The following PLXNA4 variants were observed in gnomAD, a reference collection of about 807,000 sequenced individuals.
PLXNA4 encodes plexin-A4.
In PLXNA4, 44 loss-of-function variants were observed where a neutral mutation model predicts 191.8. That is an observed-to-expected ratio of 0.23 (90% confidence interval 0.18 to 0.29). PLXNA4 has a LOEUF of 0.29. Among genes scored for constraint, PLXNA4 ranks in the 10% least tolerant of loss-of-function variants. The pLI, the probability that PLXNA4 is intolerant of heterozygous loss-of-function variation, is 1.00. For synonymous variants in PLXNA4, 1,082 were observed against 1,009.5 expected (o/e 1.07, Z -1.36); for missense variants, 1,800 against 2,488.8 (o/e 0.72, Z 5.89).
chr7:132,195,883 A>G (rs917942685), intron 13 of PLXNA4, among the ~76,000 whole-genome samples: 1 of 152,238 alleles, frequency 6.6e-6, no homozygotes, highest in Non-Finnish European at 1.5e-5. Context: ...GTTTAAAAGT[A>G]TCTGTGTGTT....
intron 21 of PLXNA4, among the ~76,000 whole-genome samples, chr7:132,174,461 G>C (rs1796390289): frequency 6.6e-6 from 1 of 152,196 alleles, no homozygotes; most frequent in Non-Finnish European, 1.5e-5. Context: ...GTTCCCCAAT[G>C]TATTTGCCGT....
rs1012467016 is a variant in PLXNA4 at position 132,626,134 on chromosome 7, C to A, written c.-87+19794G>T. On this transcript the variant is annotated intron_variant, in intron 2 of 4. Transcript: ENST00000378539. Reference sequence around the variant, plus strand: ...CCAATTCACTCTCCTTCCCTTCACTCACCACCACCAATCAAGTAGGCCTTG... The same window carrying A: ...CCAATTCACTCTCCTTCCCTTCACTAACCACCACCAATCAAGTAGGCCTTG... 3.9e-5 allele frequency among the ~76,000 whole-genome samples: 6 copies of A among 152,190 alleles called. No individual in the cohort carries two copies. In the East Asian group the frequency reaches 1.2e-3, roughly 29 times the overall value.
intron 3 of PLXNA4, among the ~76,000 whole-genome samples, chr7:132,329,445 A>T (rs1440530423): frequency 6.6e-6 from 1 of 152,184 alleles, no homozygotes. Context: ...ACTCTGCCCA[A>T]GGGTGCTCAG....
chr7:132,186,518 C>A (rs867568436), intron 15 of PLXNA4, among the ~76,000 whole-genome samples: 18 of 152,320 alleles, frequency 1.2e-4, no homozygotes, highest in African/African-American at 3.8e-4. Context: ...TGACAGGTCT[C>A]CAGACTGAGC....
chr7:132,476,033 G>C (rs1317814413), intron 3 of PLXNA4, among the ~76,000 whole-genome samples: 2 of 152,208 alleles, frequency 1.3e-5, no homozygotes. Flanking sequence ...GGCTCTGCCG[G>C]TTCCTATGCT....
chr7:132,523,340 T>A (rs897230474), intron 1 of PLXNA4, among the ~76,000 whole-genome samples: 4 of 152,164 alleles, frequency 2.6e-5, no homozygotes, highest in African/African-American at 4.8e-5. Flanking sequence ...ATGGTTTGTA[T>A]CTCTGAGGTG....
At chr7:132,314,821 C>A (rs1487046550) in intron 3 of PLXNA4, among the ~76,000 whole-genome samples, 1 of 152,222 alleles carries the variant, frequency 6.6e-6, no homozygotes, top group Non-Finnish European at 1.5e-5. Flanking sequence ...CTCAGCCCAG[C>A]AGGGCTCTGA....
chr7:132,202,742 G>A lies in PLXNA4; in HGVS notation c.2490C>T (p.Gly830=), dbSNP rs374593913. The change falls in exon 12 of 32, where the codon GGC becomes GGT. Residue 830 remains glycine (G), a synonymous_variant. Coordinates refer to ENST00000321063, the MANE Select transcript of PLXNA4 (RefSeq NM_020911.2). ...GGCAGTGCTGGCGCAGGGTGCACTG[G>A]CCTGGGCCCTGGCACCAGCCACATG... ...DFACGWCQGP[G]QCTLRQHCPA... is the part of the protein sequence containing the mutation. The A allele has an allele frequency of 3.5e-5, 56 of 1,611,624 alleles. No individual in the cohort carries two copies. The highest frequency in any genetic ancestry group is 4.5e-5 in the Non-Finnish European group (53 of 1,179,000).
intron 3 of PLXNA4, among the ~76,000 whole-genome samples, chr7:132,480,692 G>C (rs547272926): frequency 2.0e-5 from 3 of 152,180 alleles, no homozygotes; most frequent in Non-Finnish European, 4.4e-5. Flanking sequence ...GCAGGCCAGG[G>C]GTAAGTGGAA....
chr7:132,148,761 T>A (rs527712462), intron 25 of PLXNA4, 115 bp from the exon 26 acceptor site: 1 of 1,442,574 alleles, frequency 6.9e-7, no homozygotes, highest in Non-Finnish European at 9.2e-7. Context: ...CCATTGCAAG[T>A]GCTAGCACAT....
chr7:132,562,317 T>TGC (rs1801213311), intron 1 of PLXNA4, among the ~76,000 whole-genome samples: 1 of 65,974 alleles, frequency 1.5e-5, no homozygotes, highest in South Asian at 7.0e-4. Context: ...CTTCCTCCTC[T>TGC]TCCTCCTCCT....
At chr7:132,485,578 C>A (rs773364535) in intron 3 of PLXNA4, among the ~76,000 whole-genome samples, 11 of 152,224 alleles carry the variant, frequency 7.2e-5, no homozygotes, top group Non-Finnish European at 1.6e-4. Flanking sequence ...TGTCCCAACT[C>A]AAGCCAAAGA....
intron 3 of PLXNA4, among the ~76,000 whole-genome samples, chr7:132,317,898 G>C (rs145775394): frequency 2.0e-4 from 31 of 152,322 alleles, no homozygotes; most frequent in Admixed American, 6.5e-4. Context: ...CAAGAGCAGG[G>C]AGTGGAGAAC....
intron 3 of PLXNA4, among the ~76,000 whole-genome samples, chr7:132,331,586 C>T (rs926684981): frequency 3.3e-5 from 5 of 152,216 alleles, no homozygotes; most frequent in Non-Finnish European, 5.9e-5. Flanking sequence ...GAGCAATTTT[C>T]TATTAGGTCC....
intron 2 of PLXNA4, among the ~76,000 whole-genome samples, chr7:132,492,375 C>T (rs1205224389): frequency 1.3e-5 from 2 of 152,170 alleles, no homozygotes; most frequent in African/African-American, 2.4e-5. Context: ...AGAGAGTATA[C>T]ATTTGGCTGG....
intron 15 of PLXNA4, among the ~76,000 whole-genome samples, chr7:132,186,322 C>T (rs1796876908): frequency 6.6e-6 from 1 of 152,212 alleles, no homozygotes; most frequent in Non-Finnish European, 1.5e-5. Flanking sequence ...TGCCTATCAT[C>T]TCTGAGCAGG....
At chr7:132,427,413 C>G (rs77955334) in intron 3 of PLXNA4, among the ~76,000 whole-genome samples, 2,189 of 152,276 alleles carry the variant, frequency 0.014, 53 homozygotes, top group African/African-American at 0.05. Context: ...TTTTTCCTCC[C>G]CTCTCTGGTT....
intron 9 of PLXNA4, among the ~76,000 whole-genome samples, chr7:132,221,419 G>A (rs960544825): frequency 1.3e-5 from 2 of 152,172 alleles, no homozygotes; most frequent in African/African-American, 4.8e-5. Context: ...GGACCACTTT[G>A]TCTCAACTCC....
At chr7:132,522,066 T>C (rs538790745) in intron 1 of PLXNA4, among the ~76,000 whole-genome samples, 3 of 152,140 alleles carry the variant, frequency 2.0e-5, no homozygotes, top group Non-Finnish European at 4.4e-5. Context: ...TGGGGTGTGA[T>C]AAAGGGTCAG....
Sources: allele counts gnomAD v4.1 joint callset (sites outside exome capture counted in the v4.1 genomes callset), GRCh38; gene constraint gnomAD v4.1.1; transcripts MANE v1.5; gene names NCBI Gene and HGNC (gene_info 2026-07-23, HGNC 2026-07-21).